The following QSOX2 variants were observed in gnomAD, a reference collection of about 807,000 sequenced individuals.
QSOX2 encodes the protein sulfhydryl oxidase 2.
A neutral mutation model predicts 61.7 loss-of-function variants in QSOX2; 46 were observed. That is an observed-to-expected ratio of 0.75 (90% CI 0.59 to 0.95). The LOEUF (loss-of-function observed/expected upper bound fraction) is 0.95, where lower values mean the gene tolerates loss of function less well. Among genes scored for constraint, QSOX2 ranks in the 40% least tolerant of loss-of-function variants. The probability of loss-of-function intolerance (pLI) is 0.00; values close to 1 mark genes in which losing one functional copy is unlikely to be tolerated. For synonymous variants in QSOX2, 383 were observed against 388.4 expected (o/e 0.99, Z 0.16); for missense variants, 879 against 918.9 (o/e 0.96, Z 0.56).
intron 1 of QSOX2, among the ~76,000 whole-genome samples, chr9:136,228,104 C>A (rs1830299404): frequency 6.6e-6 from 1 of 152,204 alleles, no homozygotes; most frequent in African/African-American, 2.4e-5. Flanking sequence ...TGTAACAGGG[C>A]ACTCAGATCT....
chr9:136,230,023 G>A (rs936794441), intron 1 of QSOX2, among the ~76,000 whole-genome samples: 1 of 152,244 alleles, frequency 6.6e-6, no homozygotes, highest in African/African-American at 2.4e-5. Context: ...GCTCACGCCT[G>A]TAATCCTAGC....
chr9:136,208,370 G>C lies in QSOX2; in HGVS notation c.*358C>G, dbSNP rs905131876. On this transcript the variant is annotated 3_prime_UTR_variant, in exon 12 of 12. Transcript: ENST00000358701. ...ACAAGGCCCTGCAGGATGGGGCGGA[G>C]TGGAGGAAACGAGATGAAAGTGTGT... The C allele has an allele frequency of 5.8e-6, 1 of 172,336 alleles. No individual in the cohort carries two copies. Among genetic ancestry groups the C allele is most frequent in the Non-Finnish European group, 1.2e-5 (1 of 83,502 alleles). 10.7% of individuals were successfully genotyped at this position (172,336 alleles called of 1,614,324 possible).
chr9:136,218,242 C>T (rs1831936456), intron 8 of QSOX2, among the ~76,000 whole-genome samples: 1 of 152,178 alleles, frequency 6.6e-6, no homozygotes, highest in South Asian at 2.1e-4. Flanking sequence ...GCTCCCAGGA[C>T]CCCTCCCTGA....
intron 1 of QSOX2, among the ~76,000 whole-genome samples, chr9:136,239,794 A>C (rs1227456957): frequency 6.6e-6 from 1 of 152,266 alleles, no homozygotes; most frequent in Non-Finnish European, 1.5e-5. Context: ...GGGAAGGCCG[A>C]GCAGATGAGG....
At chr9:136,244,948 C>T (rs886518945) in intron 1 of QSOX2, among the ~76,000 whole-genome samples, 1 of 152,086 alleles carries the variant, frequency 6.6e-6, no homozygotes, top group African/African-American at 2.4e-5. Flanking sequence ...ATATGGCCAG[C>T]GATCCGAACC....
chr9:136,231,818 G>A (rs1396726240), intron 1 of QSOX2, among the ~76,000 whole-genome samples: 1 of 152,188 alleles, frequency 6.6e-6, no homozygotes, highest in South Asian at 2.1e-4. Flanking sequence ...TGAGGACACC[G>A]AGCTCCAAGT....
At chr9:136,212,502 T>G (rs1564289444) in intron 10 of QSOX2, among the ~76,000 whole-genome samples, 1 of 152,190 alleles carries the variant, frequency 6.6e-6, no homozygotes, top group East Asian at 1.9e-4. Context: ...ATCCCGACAC[T>G]TCTTGTTTAT....
Position 136,222,755 on chromosome 9 carries a change from G to C in QSOX2, c.676-814C>G, listed in dbSNP as rs144428088. Among the ~76,000 whole-genome samples, 786 of 152,324 alleles carry C rather than the reference G, an allele frequency of 5.2e-3. 29 individuals are homozygous for C. The highest frequency in any genetic ancestry group is 3.3e-3 in the East Asian group (17 of 5,182). ...GCCAGGCAGGTAGGGGAGCGTGCCCGGCACCAAGACGGTCCCACACCCGCC... is the reference window on the plus strand; with the variant it reads ...GCCAGGCAGGTAGGGGAGCGTGCCCCGCACCAAGACGGTCCCACACCCGCC... On this transcript the variant is annotated intron_variant, in intron 5 of 11. Transcript: ENST00000358701. The surrounding 1 kb of genome is among the most constrained non-coding windows in gnomAD (Gnocchi z 6.9).
intron 2 of QSOX2, among the ~76,000 whole-genome samples, 160 bp from the exon 3 acceptor site, chr9:136,225,069 G>A (rs1830267361): frequency 6.6e-6 from 1 of 152,158 alleles, no homozygotes; most frequent in Non-Finnish European, 1.5e-5. Flanking sequence ...CCTTGTCTTT[G>A]TGCATATTAA....
chr9:136,208,774 A>T lies in QSOX2; in HGVS notation c.2051T>A (p.Val684Glu). Reference sequence around the variant, plus strand: ...CTTGACCTTCCACCGCCTGGACCTCACCCGGAAGAAGAAGTACATCACCAT... The same window carrying T: ...CTTGACCTTCCACCGCCTGGACCTCTCCCGGAAGAAGAAGTACATCACCAT... ...FLMVMYFFFR[V>E]RSRRWKVKHH... The change falls in exon 12 of 12, where the codon GTG (valine) becomes GAG (glutamate). Residue 684 changes from valine to glutamate, a missense_variant. Coordinates refer to ENST00000358701, the MANE Select transcript of QSOX2 (RefSeq NM_181701.4). 1 of 1,613,640 alleles carries T rather than the reference A, an allele frequency of 6.2e-7. No individual in the cohort carries two copies. The highest frequency in any genetic ancestry group is 1.1e-5 in the South Asian group (1 of 91,074).
At chr9:136,215,107 T>A in intron 10 of QSOX2, 47 bp downstream of exon 10, 1 of 1,594,508 alleles carries the variant, frequency 6.3e-7, no homozygotes, top group Non-Finnish European at 8.5e-7. Flanking sequence ...TGGGTTAACT[T>A]GTTAGGCAGA....
intron 9 of QSOX2, 76 bp downstream of exon 9, chr9:136,216,524 T>G (rs1288701677): frequency 2.7e-5 from 42 of 1,579,172 alleles, no homozygotes. Flanking sequence ...AGCAGGGAGA[T>G]GCACCAGCTA....
Position 136,219,132 on chromosome 9 carries a change from T to A in QSOX2, c.854A>T (p.Tyr285Phe). Residue 285 changes from tyrosine to phenylalanine, a missense_variant, in exon 7 of 12, where the codon TAT becomes TTT. Tyr to Phe is a conservative substitution (Grantham distance 22, BLOSUM62 3). Coordinates refer to ENST00000358701, the MANE Select transcript of QSOX2 (RefSeq NM_181701.4). Reference sequence around the variant, plus strand: ...CCTCACATCCGGCAATGACTTCAAATAAGACGAAAAGAAGGCCCGCAGAGG... The same window carrying A: ...CCTCACATCCGGCAATGACTTCAAAAAAGACGAAAAGAAGGCCCGCAGAGG... ...VKPLRAFFSS[Y>F]LKSLPDVRKK... 1.9e-6 allele frequency: 3 copies of A among 1,613,998 alleles called. No homozygotes were observed. The highest frequency in any genetic ancestry group is 2.5e-6 in the Non-Finnish European group (3 of 1,180,002).
At chr9:136,233,570 C>T (rs113972647) in intron 1 of QSOX2, among the ~76,000 whole-genome samples, 2,717 of 152,348 alleles carry the variant, frequency 0.018, 83 homozygotes, top group African/African-American at 0.062. Flanking sequence ...GTCGAGCCCA[C>T]ACAAACTCCC....
At chr9:136,213,525 G>A (rs1831873340) in intron 10 of QSOX2, among the ~76,000 whole-genome samples, 1 of 151,450 alleles carries the variant, frequency 6.6e-6, no homozygotes, top group Non-Finnish European at 1.5e-5. Context: ...CTTTTTTTCT[G>A]TATGATTATG....
At position 136,215,257 on chromosome 9, in the gene QSOX2, T is replaced by C. The variant is rs761190852; in HGVS notation, c.1257A>G (p.Gln419=). Reference sequence around the variant, plus strand: ...AACCCCTCAACTCAGATCGGCTTCCTTGACATCCAACCCACTTTATGTGAT... The same window carrying C: ...AACCCCTCAACTCAGATCGGCTTCCCTGACATCCAACCCACTTTATGTGAT... ...LTNHIKWVGC[Q]GSRSELRGYP... is the part of the protein sequence containing the mutation. The change falls in exon 10 of 12, where the codon CAA becomes CAG. Residue 419 remains glutamine (Q), a synonymous_variant. Coordinates refer to ENST00000358701, the MANE Select transcript of QSOX2 (RefSeq NM_181701.4). 1.5e-5 allele frequency: 25 copies of C among 1,613,924 alleles called. No homozygotes were observed. Among genetic ancestry groups the C allele is most frequent in the African/African-American group, 6.7e-5 (5 of 74,932 alleles).
intron 1 of QSOX2, among the ~76,000 whole-genome samples, chr9:136,228,189 G>A (rs966636616): frequency 3.9e-5 from 6 of 152,256 alleles, no homozygotes; most frequent in South Asian, 2.1e-4. Flanking sequence ...GGCAAGCGAC[G>A]CCTCTCTCCT....
rs1019058688 is a variant in QSOX2, at chr9:136,207,567, A to G, written c.*1161T>C. ...CACTAAATGTTTTGGGTTTAAAAAC[A>G]ATGTTTAAAATTATCAAATGGTAAA... On this transcript the variant is annotated 3_prime_UTR_variant, in exon 12 of 12. Coordinates refer to ENST00000358701, the MANE Select transcript of QSOX2 (RefSeq NM_181701.4). 1.3e-5 allele frequency: 2 copies of G among 152,394 alleles called. No individual in the cohort carries two copies. Among genetic ancestry groups the G allele is most frequent in the African/African-American group, 4.8e-5 (2 of 41,460 alleles). 9.4% of individuals were successfully genotyped at this position (152,394 alleles called of 1,614,324 possible).
At chr9:136,236,036 G>C (rs912822087) in intron 1 of QSOX2, among the ~76,000 whole-genome samples, 2 of 152,180 alleles carry the variant, frequency 1.3e-5, no homozygotes, top group African/African-American at 4.8e-5. Flanking sequence ...GAAGTCACTG[G>C]CAGTCAGGGT....
Sources: allele counts gnomAD v4.1 joint callset (sites outside exome capture counted in the v4.1 genomes callset), GRCh38; gene constraint gnomAD v4.1.1; non-coding constraint Gnocchi (gnomAD v3.1); transcripts MANE v1.5; gene names NCBI Gene and HGNC (gene_info 2026-07-23, HGNC 2026-07-21).